Variants in HDAC4 observed in about 807,000 individuals in gnomAD.
The protein encoded by HDAC4 is histone deacetylase A.
Under a neutral mutation model 135.1 loss-of-function variants are expected in HDAC4, and 16 were observed. The observed-to-expected ratio is 0.12, with a 90% CI of 0.08 to 0.18. The LOEUF is 0.18. HDAC4 is among the 10% of genes least tolerant of loss of function. HDAC4 has a pLI of 1.00. For missense variants in HDAC4, 1,143 were observed against 1,511.8 expected, an observed-to-expected ratio of 0.76 and a Z score of 4.05; for synonymous variants, 685 against 653.4, an observed-to-expected ratio of 1.05 and a Z score of -0.74.
intron 3 of HDAC4, among the ~76,000 whole-genome samples, chr2:239,219,278 A>G (rs2046815672): frequency 6.6e-6 from 1 of 152,106 alleles, no homozygotes; most frequent in Admixed American, 6.5e-5. Context: ...ACCATGGAAT[A>G]CTATGCAGCC....
At chr2:239,184,622 C>G (rs1470359803) in intron 4 of HDAC4, among the ~76,000 whole-genome samples, 1 of 133,536 alleles carries the variant, frequency 7.5e-6, no homozygotes, top group Non-Finnish European at 1.6e-5. Flanking sequence ...GAGGCTGTGC[C>G]CTATGATGGG....
chr2:239,223,941 A>G (rs976989342), intron 3 of HDAC4, among the ~76,000 whole-genome samples: 4 of 151,476 alleles, frequency 2.6e-5, no homozygotes, highest in African/African-American at 9.7e-5. Context: ...GTTCATGTCC[A>G]TGTATCTTTC....
chr2:239,193,871 C>T (rs1311773405), intron 3 of HDAC4, among the ~76,000 whole-genome samples: 1 of 152,244 alleles, frequency 6.6e-6, no homozygotes, highest in African/African-American at 2.4e-5. Flanking sequence ...TTCATGTTTG[C>T]TCCAAAGCAT....
At chr2:239,273,197 C>A (rs1407586301) in intron 2 of HDAC4, among the ~76,000 whole-genome samples, 1 of 152,138 alleles carries the variant, frequency 6.6e-6, no homozygotes, top group Non-Finnish European at 1.5e-5. Context: ...CAATCAAAGA[C>A]TGCAAGGGTT....
intron 9 of HDAC4, among the ~76,000 whole-genome samples, chr2:239,136,800 C>T (rs1337113656): frequency 1.3e-5 from 2 of 152,182 alleles, no homozygotes; most frequent in Non-Finnish European, 2.9e-5. Flanking sequence ...TCCTGACAAA[C>T]ACTTACACTC....
At chr2:239,366,730 T>C (rs886727370) in intron 1 of HDAC4, among the ~76,000 whole-genome samples, 13 of 152,060 alleles carry the variant, frequency 8.5e-5, no homozygotes, top group African/African-American at 2.4e-4. Flanking sequence ...TAACATCAAC[T>C]GCCATGAACA....
At chr2:239,369,702 C>T (rs1030655907) in intron 1 of HDAC4, among the ~76,000 whole-genome samples, 16 of 152,164 alleles carry the variant, frequency 1.1e-4, no homozygotes, top group African/African-American at 3.9e-4. Flanking sequence ...TTCAACACAG[C>T]GCCTCGGAAG....
At chr2:239,301,271 C>A (rs936207675) in intron 2 of HDAC4, among the ~76,000 whole-genome samples, 1 of 152,114 alleles carries the variant, frequency 6.6e-6, no homozygotes, top group Non-Finnish European at 1.5e-5. Flanking sequence ...CGACGAGGGG[C>A]GATGGTGGGG....
chr2:239,140,179 A>G (rs970921131), intron 8 of HDAC4, among the ~76,000 whole-genome samples: 2 of 152,216 alleles, frequency 1.3e-5, no homozygotes, highest in Admixed American at 6.5e-5. Context: ...TGCTCACTAT[A>G]AAAAGCTTAG....
intron 8 of HDAC4, among the ~76,000 whole-genome samples, chr2:239,140,401 G>GA (rs1468919215): frequency 2.0e-5 from 3 of 152,156 alleles, no homozygotes; most frequent in African/African-American, 7.2e-5. Context: ...CGCTCTGACT[G>GA]AATGTGACTT....
At chr2:239,110,113 A>G (rs1249615399) in intron 14 of HDAC4, among the ~76,000 whole-genome samples, 1 of 152,220 alleles carries the variant, frequency 6.6e-6, no homozygotes, top group African/African-American at 2.4e-5. Context: ...TCTCTGTGAA[A>G]CAAATTATGT....
intron 4 of HDAC4, among the ~76,000 whole-genome samples, chr2:239,186,182 A>G (rs999921238): frequency 2.6e-5 from 4 of 152,202 alleles, no homozygotes; most frequent in Non-Finnish European, 2.9e-5. Context: ...CGGAAAGTCC[A>G]AGGGGACCAC....
intron 14 of HDAC4, among the ~76,000 whole-genome samples, chr2:239,108,913 C>A (rs927436738): frequency 3.9e-5 from 6 of 152,220 alleles, no homozygotes; most frequent in Non-Finnish European, 8.8e-5. Flanking sequence ...ACTGGGCCGG[C>A]AGCCTGGGGC....
chr2:239,259,098 T>C (rs1575545872), intron 2 of HDAC4, among the ~76,000 whole-genome samples: 2 of 152,352 alleles, frequency 1.3e-5, no homozygotes, highest in African/African-American at 2.4e-5. Context: ...CCCCATTTTT[T>C]TGAATATAAT....
At chr2:239,064,703 G>A (rs1240499160) in intron 24 of HDAC4, among the ~76,000 whole-genome samples, 1 of 152,262 alleles carries the variant, frequency 6.6e-6, no homozygotes, top group African/African-American at 2.4e-5. Context: ...GGCAGAGGTG[G>A]TGGAGGTGGG....
chr2:239,216,186 G>A (rs913805457), intron 3 of HDAC4, among the ~76,000 whole-genome samples: 4 of 108,500 alleles, frequency 3.7e-5, no homozygotes, highest in Non-Finnish European at 4.4e-5. Flanking sequence ...AAAAACGCAC[G>A]TGTTTATATA....
chr2:239,399,224 A>C (rs1696772941), intron 1 of HDAC4, among the ~76,000 whole-genome samples: 1 of 152,202 alleles, frequency 6.6e-6, no homozygotes, highest in Admixed American at 6.5e-5. Flanking sequence ...TTGATATCCA[A>C]AACTCCATTC....
intron 3 of HDAC4, among the ~76,000 whole-genome samples, chr2:239,200,217 C>T (rs1446488774): frequency 6.6e-6 from 1 of 152,144 alleles, no homozygotes; most frequent in African/African-American, 2.4e-5. Context: ...ACCTGCCATC[C>T]CTCCTCAGAG....
chr2:239,117,225 G>T (rs555448132), intron 12 of HDAC4, among the ~76,000 whole-genome samples: 1 of 152,344 alleles, frequency 6.6e-6, no homozygotes, highest in South Asian at 2.1e-4. Flanking sequence ...CGGAGACGAG[G>T]TGGGGCTGTG....
Sources: allele counts gnomAD v4.1 joint callset (sites outside exome capture counted in the v4.1 genomes callset), GRCh38; gene constraint gnomAD v4.1.1; transcripts MANE v1.5; gene names NCBI Gene and HGNC (gene_info 2026-07-23, HGNC 2026-07-21).